The following ZBTB7C variants were observed in gnomAD, a reference collection of about 807,000 sequenced individuals.
The protein encoded by ZBTB7C is zinc finger and BTB domain containing 7C.
ZBTB7C carries 8 observed loss-of-function variants against 25.7 expected under a neutral mutation model. That is an observed-to-expected ratio of 0.31 (90% confidence interval 0.18 to 0.56). The LOEUF (loss-of-function observed/expected upper bound fraction) is 0.56. Ranked by LOEUF, ZBTB7C falls within the 20% of genes least tolerant of loss-of-function variation. The pLI is 0.91. For synonymous variants in ZBTB7C, 394 were observed against 369.0 expected, an observed-to-expected ratio of 1.07 and a Z score of -0.78; for missense variants, 824 against 855.2, an observed-to-expected ratio of 0.96 and a Z score of 0.46.
At chr18:48,146,430 G>T (rs2040498923) in intron 3 of ZBTB7C, among the ~76,000 whole-genome samples, 1 of 151,986 alleles carries the variant, frequency 6.6e-6, no homozygotes, top group Non-Finnish European at 1.5e-5. Context: ...TTTTTATATG[G>T]TACAGAGAGG....
rs79388834 is a variant in ZBTB7C at position 48,251,432 on chromosome 18, G to A, written c.-78-65437C>T. Among the ~76,000 whole-genome samples the A allele has an allele frequency of 1.7e-3, 252 of 152,304 alleles. 1 individual carries two copies. The highest frequency in any genetic ancestry group is 5.7e-3 in the African/African-American group (237 of 41,568). ...TTAGGCAGATAGTGAGGGTAAAAGA[G>A]TCTTCAGTAAGGATTTCCTTTTAAC... On this transcript the variant is annotated intron_variant, in intron 2 of 4. Coordinates refer to ENST00000590800, the MANE Select transcript of ZBTB7C (RefSeq NM_001318841.2).
intron 3 of ZBTB7C, among the ~76,000 whole-genome samples, chr18:48,170,330 C>T (rs1000905703): frequency 3.3e-5 from 5 of 152,262 alleles, no homozygotes; most frequent in African/African-American, 1.2e-4. Context: ...CAGGGGGCAT[C>T]TGGACCTGAA....
intron 4 of ZBTB7C, among the ~76,000 whole-genome samples, chr18:48,035,561 A>ACAGGGCC (rs2035936183): frequency 6.6e-6 from 1 of 152,204 alleles, no homozygotes; most frequent in African/African-American, 2.4e-5. Context: ...ACAGGCTTTC[A>ACAGGGCC]CAGGGCCCAG....
intron 3 of ZBTB7C, among the ~76,000 whole-genome samples, chr18:48,082,558 TG>T (rs1391938358): frequency 1.3e-5 from 2 of 152,160 alleles, no homozygotes; most frequent in African/African-American, 4.8e-5. Flanking sequence ...GATGTTTGCT[TG>T]TGTCGAGGCA....
chr18:48,367,955 C>A (rs1272106449), intron 1 of ZBTB7C, among the ~76,000 whole-genome samples: 2 of 148,840 alleles, frequency 1.3e-5, no homozygotes, highest in Non-Finnish European at 3.0e-5. Context: ...TGCCCCCAGC[C>A]CTCCACTGGA....
intron 3 of ZBTB7C, among the ~76,000 whole-genome samples, chr18:48,168,252 A>C (rs964890901): frequency 2.6e-5 from 4 of 152,214 alleles, no homozygotes; most frequent in Non-Finnish European, 5.9e-5. Context: ...GAAAAGGCTT[A>C]CTTGCTGCAA....
chr18:48,281,600 A>T (rs1172556679), intron 2 of ZBTB7C, among the ~76,000 whole-genome samples: 1 of 152,238 alleles, frequency 6.6e-6, no homozygotes, highest in African/African-American at 2.4e-5. Flanking sequence ...CAATGAACTC[A>T]AACAAATTTA....
At chr18:48,096,936 G>A (rs903007263) in intron 3 of ZBTB7C, among the ~76,000 whole-genome samples, 1 of 152,164 alleles carries the variant, frequency 6.6e-6, no homozygotes, top group Non-Finnish European at 1.5e-5. Flanking sequence ...TTTGCTCCTG[G>A]CACCATCATC....
At chr18:48,210,699 G>A (rs2042682992) in intron 2 of ZBTB7C, among the ~76,000 whole-genome samples, 1 of 151,664 alleles carries the variant, frequency 6.6e-6, no homozygotes, top group African/African-American at 2.4e-5. Context: ...GGTACGAGGT[G>A]TCTCCGGGGG....
chr18:48,191,727 A>C (rs2042201930), intron 2 of ZBTB7C, among the ~76,000 whole-genome samples: 1 of 152,194 alleles, frequency 6.6e-6, no homozygotes, highest in Non-Finnish European at 1.5e-5. Context: ...CTCAGTCCTG[A>C]GAGGCCCGGG....
chr18:48,305,515 C>G (rs1222998098), intron 2 of ZBTB7C, among the ~76,000 whole-genome samples: 2 of 152,206 alleles, frequency 1.3e-5, no homozygotes, highest in African/African-American at 4.8e-5. Flanking sequence ...AAGTGCCCAG[C>G]ACCGCGTGAG....
intron 3 of ZBTB7C, among the ~76,000 whole-genome samples, chr18:48,070,962 G>A (rs1038034898): frequency 9.9e-5 from 15 of 152,164 alleles, no homozygotes; most frequent in Admixed American, 3.9e-4. Context: ...TTTCAGGTTC[G>A]GAAATCACTT....
At chr18:48,220,454 T>A (rs1457123651) in intron 2 of ZBTB7C, among the ~76,000 whole-genome samples, 1 of 152,164 alleles carries the variant, frequency 6.6e-6, no homozygotes, top group African/African-American at 2.4e-5. Flanking sequence ...GAACAAATAC[T>A]TATTGAGCAC....
intron 3 of ZBTB7C, among the ~76,000 whole-genome samples, chr18:48,043,166 G>T (rs1186327186): frequency 2.6e-5 from 4 of 152,188 alleles, no homozygotes; most frequent in Admixed American, 2.0e-4. Flanking sequence ...AGCTATTCTA[G>T]AAAATGATTT....
At chr18:48,320,560 C>T (rs754821286) in intron 2 of ZBTB7C, among the ~76,000 whole-genome samples, 13 of 152,136 alleles carry the variant, frequency 8.5e-5, no homozygotes, top group South Asian at 4.1e-4. Flanking sequence ...AGGTGAGAAG[C>T]GGCCAAACCC....
At chr18:48,359,716 G>C (rs766773549) in intron 1 of ZBTB7C, among the ~76,000 whole-genome samples, 1 of 152,328 alleles carries the variant, frequency 6.6e-6, no homozygotes. Context: ...AAAGAGAGAA[G>C]AGTGAGAGAG....
intron 3 of ZBTB7C, among the ~76,000 whole-genome samples, chr18:48,112,409 C>A (rs1173740836): frequency 1.3e-5 from 2 of 150,612 alleles, no homozygotes; most frequent in Non-Finnish European, 1.5e-5. Flanking sequence ...TACAGTGGTG[C>A]GATCTCAGCT....
chr18:48,386,056 C>A (rs2047740589), intron 1 of ZBTB7C, among the ~76,000 whole-genome samples: 1 of 152,246 alleles, frequency 6.6e-6, no homozygotes, highest in South Asian at 2.1e-4. Flanking sequence ...CCATTATCCT[C>A]CATTCCACCC....
chr18:48,105,122 G>A (rs545293996), intron 3 of ZBTB7C, among the ~76,000 whole-genome samples: 25 of 152,274 alleles, frequency 1.6e-4, no homozygotes, highest in East Asian at 5.8e-4. Context: ...CAGTCCTTTC[G>A]TTTCTGTCCT....
Sources: allele counts gnomAD v4.1 joint callset (sites outside exome capture counted in the v4.1 genomes callset), GRCh38; gene constraint gnomAD v4.1.1; transcripts MANE v1.5; gene names NCBI Gene and HGNC (gene_info 2026-07-23, HGNC 2026-07-21).